The following HIP1 variants were observed in gnomAD, a reference collection of about 807,000 sequenced individuals.
The protein encoded by HIP1 is huntingtin-interacting protein 1.
A neutral mutation model predicts 147.6 loss-of-function variants in HIP1; 65 were observed. The observed-to-expected ratio is 0.44, with a 90% CI of 0.36 to 0.54. HIP1 has a LOEUF of 0.54. Ranked by LOEUF, HIP1 falls within the 20% of genes least tolerant of loss-of-function variation. The probability of loss-of-function intolerance (pLI) is 0.00; values close to 1 mark genes in which losing one functional copy is unlikely to be tolerated. For synonymous variants in HIP1, 479 were observed against 504.0 expected (o/e 0.95, Z 0.67); for missense variants, 1,061 against 1,299.6 (o/e 0.82, Z 2.82).
At chr7:75,623,899 TACAAA>T (rs1797942494) in intron 1 of HIP1, among the ~76,000 whole-genome samples, 1 of 152,126 alleles carries the variant, frequency 6.6e-6, no homozygotes, top group South Asian at 2.1e-4. Context: ...ACCCTATGTC[TACAAA>T]ACATCAGAAA....
chr7:75,696,542 T>TTCCCTTCCCCTCCAC (rs1800641476), intron 1 of HIP1, among the ~76,000 whole-genome samples: 1 of 48,136 alleles, frequency 2.1e-5, no homozygotes, highest in Non-Finnish European at 3.7e-5. Context: ...CTCCCCTCCC[T>TTCCCTTCCCCTCCAC]TCCCTTCCCC....
chr7:75,639,161 G>A (rs1798552146), intron 1 of HIP1: 4 of 983,902 alleles, frequency 4.1e-6, no homozygotes, highest in South Asian at 4.7e-5. Flanking sequence ...GCCATGCTGC[G>A]GGGAGGGCGG....
rs1794031639 is a variant in HIP1 at position 75,535,019 on chromosome 7, A to G, written c.*3153T>C. 1 of 208,778 alleles carries G rather than the reference A, an allele frequency of 4.8e-6. No homozygotes were observed. Among genetic ancestry groups the G allele is most frequent in the African/African-American group, 2.3e-5 (1 of 43,984 alleles). 12.9% of individuals were successfully genotyped at this position (208,778 alleles called of 1,614,324 possible). On this transcript the variant is annotated 3_prime_UTR_variant, in exon 31 of 31. Transcript: ENST00000336926. Reference sequence around the variant, plus strand: ...ATAGCTCTTCATCTTCATTTTTAGAAGAGTCACAATAGGACAATTTGATTT... The same window carrying G: ...ATAGCTCTTCATCTTCATTTTTAGAGGAGTCACAATAGGACAATTTGATTT...
intron 1 of HIP1, among the ~76,000 whole-genome samples, chr7:75,735,405 G>A (rs1326377346): frequency 6.6e-6 from 1 of 152,142 alleles, no homozygotes; most frequent in Non-Finnish European, 1.5e-5. Context: ...TTCTTGTCAA[G>A]ATTTAAAAAG....
chr7:75,589,474 C>T (rs1402411699), intron 4 of HIP1, among the ~76,000 whole-genome samples: 1 of 151,670 alleles, frequency 6.6e-6, no homozygotes, highest in African/African-American at 2.4e-5. Context: ...CACTTGAGGT[C>T]AGGAGTTCGA....
At chr7:75,698,993 G>A (rs540948242) in intron 1 of HIP1, among the ~76,000 whole-genome samples, 1 of 152,266 alleles carries the variant, frequency 6.6e-6, no homozygotes, top group Non-Finnish European at 1.5e-5. Context: ...GAGGTCAGGA[G>A]TGGAAGGGAC....
At chr7:75,732,433 T>C (rs1801865242) in intron 1 of HIP1, among the ~76,000 whole-genome samples, 1 of 152,172 alleles carries the variant, frequency 6.6e-6, no homozygotes, top group Non-Finnish European at 1.5e-5. Context: ...TGCAGTGGTG[T>C]GATCACGGCT....
intron 1 of HIP1, among the ~76,000 whole-genome samples, chr7:75,679,234 T>C (rs1185011704): frequency 6.6e-6 from 1 of 152,230 alleles, no homozygotes; most frequent in African/African-American, 2.4e-5. Context: ...AGATGAGGTC[T>C]CGCCGTATCA....
intron 5 of HIP1, among the ~76,000 whole-genome samples, chr7:75,585,871 GT>G: frequency 6.6e-6 from 1 of 152,170 alleles, no homozygotes; most frequent in East Asian, 1.9e-4. Context: ...CGGGAGGGCA[GT>G]GATGCGATCA....
chr7:75,729,507 C>T lies in HIP1; in HGVS notation c.120+9294G>A, dbSNP rs1460339370. The stretch of plus-strand genomic sequence containing the variant: ...ATCTCTTAAAAAACAAAAAAGCGGC[C>T]GGGCGCAATGGCTCACGCCTGTATT... On this transcript the variant is annotated intron_variant, in intron 1 of 30. Coordinates refer to ENST00000336926, the MANE Select transcript of HIP1 (RefSeq NM_005338.7). 3.3e-5 allele frequency among the ~76,000 whole-genome samples: 5 copies of T among 151,476 alleles called. No homozygotes were observed. The East Asian group carries it at 7.8e-4, about 24-fold the overall frequency.
intron 1 of HIP1, among the ~76,000 whole-genome samples, chr7:75,737,606 A>C (rs572125259): frequency 1.2e-4 from 18 of 152,174 alleles, no homozygotes; most frequent in African/African-American, 4.1e-4. Flanking sequence ...TCGGCCTCCC[A>C]AAGTGCTGGG....
chr7:75,557,901 G>A (rs1260585448), intron 15 of HIP1, 131 bp from the exon 16 acceptor site: 6 of 718,992 alleles, frequency 8.3e-6, no homozygotes, highest in Admixed American at 2.2e-5. Context: ...ACCCACAGCC[G>A]GAACAGAGCC....
intron 5 of HIP1, among the ~76,000 whole-genome samples, chr7:75,584,282 G>C (rs1796172869): frequency 6.6e-6 from 1 of 151,910 alleles, no homozygotes; most frequent in South Asian, 2.1e-4. Flanking sequence ...TTTTTTTTAA[G>C]AGACAGGGTC....
At chr7:75,639,275 G>A (rs1798558538) in intron 1 of HIP1, 1 of 162,636 alleles carries the variant, frequency 6.1e-6, no homozygotes, top group Admixed American at 6.8e-5. Context: ...GCGAGGGGGA[G>A]GGGGAGGGGG....
chr7:75,561,426 T>C, intron 12 of HIP1, 25 bp from the exon 13 acceptor site: 1 of 1,503,390 alleles, frequency 6.7e-7, no homozygotes, highest in Non-Finnish European at 9.3e-7. Flanking sequence ...GGAATGAGTT[T>C]GCTTTCATAG....
chr7:75,701,355 C>T (rs1452265985), intron 1 of HIP1, among the ~76,000 whole-genome samples: 1 of 152,050 alleles, frequency 6.6e-6, no homozygotes, highest in Non-Finnish European at 1.5e-5. Flanking sequence ...GATCCTGCCA[C>T]TGCACTCCAG....
At position 75,535,713 on chromosome 7, in the gene HIP1, A is replaced by AT. The variant is rs782513114; in HGVS notation, c.*2458dup. 4,080 of 156,246 alleles carry AT rather than the reference A, an allele frequency of 0.026. 23 individuals are homozygous for AT. The highest frequency in any genetic ancestry group is 0.068 in the East Asian group (576 of 8,424). 9.7% of individuals were successfully genotyped at this position (156,246 alleles called of 1,614,324 possible). The stretch of plus-strand genomic sequence containing the variant: ...CACTAGACTGTTTGCCCCATTTGTA[A>AT]TTTTTTTTTTTTTTTGAGACGGAGT... On this transcript the variant is annotated 3_prime_UTR_variant, in exon 31 of 31. Coordinates refer to ENST00000336926, the MANE Select transcript of HIP1 (RefSeq NM_005338.7).
intron 1 of HIP1, among the ~76,000 whole-genome samples, chr7:75,727,531 A>C (rs782749492): frequency 6.6e-6 from 1 of 151,990 alleles, no homozygotes; most frequent in Non-Finnish European, 1.5e-5. Context: ...TCAGTGTCCA[A>C]ATAAGTCAAC....
chr7:75,714,763 C>G (rs1412698435), intron 1 of HIP1, among the ~76,000 whole-genome samples: 1 of 152,116 alleles, frequency 6.6e-6, no homozygotes, highest in Non-Finnish European at 1.5e-5. Context: ...TAACTAACAT[C>G]TTCTATAACC....
Sources: gnomAD v4.1 joint callset for allele counts (sites outside exome capture counted in the v4.1 genomes callset) on GRCh38, gnomAD v4.1.1 for gene constraint, MANE v1.5 for transcripts, NCBI Gene and HGNC (gene_info 2026-07-23, HGNC 2026-07-21) for gene names.